Variants in NCALD observed in about 807,000 individuals in gnomAD.
NCALD encodes neurocalcin-delta.
Under a neutral mutation model 18.6 loss-of-function variants are expected in NCALD, and 10 were observed. The observed-to-expected ratio is 0.54, with a 90% CI of 0.33 to 0.91. NCALD has a LOEUF of 0.91. Among genes scored for constraint, NCALD ranks in the 40% least tolerant of loss-of-function variants. The pLI, the probability that NCALD is intolerant of heterozygous loss-of-function variation, is 0.03. For synonymous variants in NCALD, 88 were observed against 87.4 expected (o/e 1.01, Z -0.04); for missense variants, 184 against 247.6 (o/e 0.74, Z 1.72).
chr8:101,989,216 G>T (rs1820950900), intron 2 of NCALD, among the ~76,000 whole-genome samples: 1 of 152,150 alleles, frequency 6.6e-6, no homozygotes, highest in Admixed American at 6.5e-5. Flanking sequence ...ACAAGTACAG[G>T]TGATCACAAA....
At chr8:101,953,558 G>GA (rs1171724810) in intron 2 of NCALD, among the ~76,000 whole-genome samples, 2 of 152,240 alleles carry the variant, frequency 1.3e-5, no homozygotes, top group Non-Finnish European at 2.9e-5. Flanking sequence ...GGTTTAAAAT[G>GA]AAGGATCAGA....
intron 4 of NCALD, among the ~76,000 whole-genome samples, chr8:101,825,057 A>G: frequency 6.6e-6 from 1 of 152,138 alleles, no homozygotes; most frequent in East Asian, 1.9e-4. Flanking sequence ...TACCCCCACA[A>G]CTGACCCAGC....
At chr8:101,813,449 C>T (rs934202449) in intron 4 of NCALD, among the ~76,000 whole-genome samples, 2 of 152,070 alleles carry the variant, frequency 1.3e-5, no homozygotes, top group African/African-American at 4.8e-5. Flanking sequence ...GCCAGTGTAT[C>T]AAGGAGGTAA....
intron 1 of NCALD, among the ~76,000 whole-genome samples, chr8:102,045,467 A>C (rs1307285466): frequency 6.6e-6 from 1 of 152,246 alleles, no homozygotes; most frequent in Non-Finnish European, 1.5e-5. Context: ...GAATTATATA[A>C]AGCATTTTCC....
intron 2 of NCALD, among the ~76,000 whole-genome samples, chr8:102,003,496 T>C (rs1376264761): frequency 2.0e-5 from 3 of 152,042 alleles, no homozygotes; most frequent in Admixed American, 1.3e-4. Flanking sequence ...TTCCAATCAA[T>C]AGAAAAAGAG....
chr8:101,719,402 T>C lies in NCALD; in HGVS notation c.228A>G (p.Gly76=). 6.2e-7 allele frequency: 1 copy of C among 1,614,220 alleles called. No individual in the cohort carries two copies. Among genetic ancestry groups the C allele is most frequent in the Non-Finnish European group, 8.5e-7 (1 of 1,180,036 alleles). The change falls in exon 2 of 4, where the codon GGA becomes GGG. Residue 76 remains glycine (G), a synonymous_variant. Transcript: ENST00000220931. ...ATTCTCTAAAGTCTATTGTCCCATC[T>C]CCATTTGCATCGAAGGTGCGGAAGA... ...EHVFRTFDAN[G]DGTIDFREFI...
intron 1 of NCALD, among the ~76,000 whole-genome samples, chr8:102,083,354 C>A (rs1355391616): frequency 2.0e-5 from 3 of 152,178 alleles, no homozygotes; most frequent in Non-Finnish European, 4.4e-5. Flanking sequence ...CTAGAACACC[C>A]TATAAGCCTT....
chr8:102,013,646 A>G (rs1473566439), intron 2 of NCALD, among the ~76,000 whole-genome samples: 8 of 151,866 alleles, frequency 5.3e-5, no homozygotes, highest in Admixed American at 4.6e-4. Context: ...AATGGTCCCA[A>G]ATTGAACAAG....
At chr8:101,874,534 TC>T (rs892172846) in intron 4 of NCALD, among the ~76,000 whole-genome samples, 13 of 151,944 alleles carry the variant, frequency 8.6e-5, no homozygotes, top group African/African-American at 3.1e-4. Context: ...TTTTTCTTAA[TC>T]AAAAAAAAAT....
chr8:101,976,371 C>A (rs538663177), intron 2 of NCALD, among the ~76,000 whole-genome samples: 7 of 152,278 alleles, frequency 4.6e-5, no homozygotes, highest in Admixed American at 3.9e-4. Flanking sequence ...TTGGGGACCC[C>A]CCGACTAATA....
chr8:101,961,564 G>A (rs557803540), intron 2 of NCALD, among the ~76,000 whole-genome samples: 11 of 152,178 alleles, frequency 7.2e-5, no homozygotes, highest in African/African-American at 2.6e-4. Flanking sequence ...TGGTACTGCT[G>A]GGGTATTTTG....
chr8:102,045,384 T>G (rs573227834), intron 1 of NCALD, among the ~76,000 whole-genome samples: 1 of 152,354 alleles, frequency 6.6e-6, no homozygotes, highest in African/African-American at 2.4e-5. Flanking sequence ...AGGAATGTTA[T>G]GCACCTACCA....
At chr8:102,030,205 A>G (rs1822618704) in intron 1 of NCALD, among the ~76,000 whole-genome samples, 1 of 152,166 alleles carries the variant, frequency 6.6e-6, no homozygotes, top group Admixed American at 6.5e-5. Flanking sequence ...GGTGTGCCCC[A>G]CTCTTCAAAA....
At chr8:101,690,451 A>G in intron 3 of NCALD, 7 of 985,412 alleles carry the variant, frequency 7.1e-6, no homozygotes, top group Non-Finnish European at 7.2e-6. Context: ...CTGGCTCTGC[A>G]CGCCTGTGGG....
intron 2 of NCALD, among the ~76,000 whole-genome samples, chr8:101,954,636 G>A (rs1006712397): frequency 6.6e-6 from 1 of 152,186 alleles, no homozygotes; most frequent in Non-Finnish European, 1.5e-5. Flanking sequence ...ACAAAGGGAG[G>A]AGAAGAGAGG....
intron 2 of NCALD, among the ~76,000 whole-genome samples, chr8:101,947,826 A>G (rs1247342156): frequency 6.6e-6 from 1 of 152,238 alleles, no homozygotes; most frequent in Non-Finnish European, 1.5e-5. Flanking sequence ...GCTAGACATA[A>G]AAGTGTAGTG....
chr8:101,877,491 C>T (rs908693545), intron 4 of NCALD, among the ~76,000 whole-genome samples: 3 of 152,214 alleles, frequency 2.0e-5, no homozygotes, highest in Non-Finnish European at 4.4e-5. Context: ...CCAGCATTCC[C>T]CAGTCATTCT....
chr8:102,115,138 T>G (rs1825746292), intron 1 of NCALD, among the ~76,000 whole-genome samples: 1 of 152,232 alleles, frequency 6.6e-6, no homozygotes. Flanking sequence ...CCACAAACTG[T>G]GTAGTTGGTC....
chr8:101,931,329 G>A (rs1222844302), intron 2 of NCALD, among the ~76,000 whole-genome samples: 1 of 152,192 alleles, frequency 6.6e-6, no homozygotes, highest in Admixed American at 6.5e-5. Flanking sequence ...ATAGACAAAT[G>A]TCTGGCCTTT....
Sources: allele counts gnomAD v4.1 joint callset (sites outside exome capture counted in the v4.1 genomes callset), GRCh38; gene constraint gnomAD v4.1.1; transcripts MANE v1.5; gene names NCBI Gene and HGNC (gene_info 2026-07-23, HGNC 2026-07-21).